Variants in RNGTT observed in about 807,000 individuals in gnomAD.
The protein encoded by RNGTT is mRNA-capping enzyme.
Under a neutral mutation model 79.3 loss-of-function variants are expected in RNGTT, and 33 were observed. The ratio of observed to expected loss-of-function variants is 0.42; its 90% CI spans 0.32 to 0.56. The LOEUF (loss-of-function observed/expected upper bound fraction) is 0.56. Ranked by LOEUF, RNGTT falls within the 20% of genes least tolerant of loss-of-function variation. The probability of loss-of-function intolerance (pLI) is 0.17; values close to 1 mark genes in which losing one functional copy is unlikely to be tolerated. For missense variants in RNGTT, 497 were observed against 739.1 expected, an observed-to-expected ratio of 0.67 and a Z score of 3.80; for synonymous variants, 222 against 235.9, an observed-to-expected ratio of 0.94 and a Z score of 0.54.
intron 11 of RNGTT, among the ~76,000 whole-genome samples, chr6:88,810,648 C>T (rs1434101661): frequency 6.6e-6 from 1 of 152,164 alleles, no homozygotes; most frequent in East Asian, 1.9e-4. Flanking sequence ...TAATTTTAAA[C>T]TCACTTTGAT....
intron 11 of RNGTT, among the ~76,000 whole-genome samples, chr6:88,812,369 C>T (rs1247718446): frequency 1.3e-5 from 2 of 152,146 alleles, no homozygotes; most frequent in Non-Finnish European, 2.9e-5. Flanking sequence ...TTACCAAAAT[C>T]CCTTCATAGA....
intron 12 of RNGTT, among the ~76,000 whole-genome samples, chr6:88,779,570 C>CAATAATTCA (rs1778993889): frequency 6.6e-6 from 1 of 152,064 alleles, no homozygotes; most frequent in Non-Finnish European, 1.5e-5. Flanking sequence ...TTTTACACAG[C>CAATAATTCA]AATAATTCAG....
intron 11 of RNGTT, among the ~76,000 whole-genome samples, chr6:88,812,011 A>G (rs1308535643): frequency 6.6e-6 from 1 of 152,172 alleles, no homozygotes; most frequent in Non-Finnish European, 1.5e-5. Flanking sequence ...GGTTAGGATT[A>G]TTCAATGCTT....
At chr6:88,946,641 T>G (rs1562071880) in intron 1 of RNGTT, among the ~76,000 whole-genome samples, 1 of 151,438 alleles carries the variant, frequency 6.6e-6, no homozygotes. Context: ...CCTCTCCCTC[T>G]CCCTCTCCCT....
chr6:88,861,944 G>C lies in RNGTT; in HGVS notation c.897-8180C>G, dbSNP rs141534693. Among the ~76,000 whole-genome samples, 119 of 152,074 alleles carry C rather than the reference G, an allele frequency of 7.8e-4. 1 individual carries two copies. The highest frequency in any genetic ancestry group is 1.5e-3 in the South Asian group (7 of 4,800). ...ATAATAAGTAATTTAGCTACCTTAG[G>C]AATAAGCTTTAGAGGCTAGTTTAGG... On this transcript the variant is annotated intron_variant, in intron 8 of 15. Coordinates refer to ENST00000369485, the MANE Select transcript of RNGTT (RefSeq NM_003800.5).
chr6:88,840,728 T>C (rs1303636763), intron 11 of RNGTT, among the ~76,000 whole-genome samples: 1 of 152,176 alleles, frequency 6.6e-6, no homozygotes, highest in Non-Finnish European at 1.5e-5. Flanking sequence ...AAATATCCTA[T>C]GATTTTAAGG....
At chr6:88,902,662 C>T (rs534528748) in intron 6 of RNGTT, among the ~76,000 whole-genome samples, 1 of 149,714 alleles carries the variant, frequency 6.7e-6, no homozygotes, top group East Asian at 2.0e-4. Flanking sequence ...TAATATATAC[C>T]AGCCTTTAAA....
chr6:88,809,590 T>C (rs974299404), intron 11 of RNGTT, among the ~76,000 whole-genome samples: 1 of 152,182 alleles, frequency 6.6e-6, no homozygotes, highest in Non-Finnish European at 1.5e-5. Context: ...ATTTGAAAAT[T>C]AAATAACACA....
intron 13 of RNGTT, among the ~76,000 whole-genome samples, chr6:88,678,677 G>A (rs903501555): frequency 2.6e-5 from 4 of 152,070 alleles, no homozygotes; most frequent in East Asian, 3.9e-4. Context: ...CTAGTACCTC[G>A]ACAGACTGAA....
chr6:88,735,178 T>C lies in RNGTT; in HGVS notation c.1439+34596A>G, dbSNP rs58205171. Reference sequence around the variant, plus strand: ...TGCCTAAAAATAGAACATCAAAATATATGAGGCAAAAACTAATGGAATTAA... The same window carrying C: ...TGCCTAAAAATAGAACATCAAAATACATGAGGCAAAAACTAATGGAATTAA... On this transcript the variant is annotated intron_variant, in intron 13 of 15. Transcript: ENST00000369485. 5.0e-3 allele frequency among the ~76,000 whole-genome samples: 765 copies of C among 152,172 alleles called. 7 individuals carry two copies. Among genetic ancestry groups the C allele is most frequent in the African/African-American group, 0.018 (728 of 41,552 alleles).
At chr6:88,673,910 C>T (rs545649680) in intron 14 of RNGTT, among the ~76,000 whole-genome samples, 4 of 152,272 alleles carry the variant, frequency 2.6e-5, no homozygotes, top group South Asian at 2.1e-4. Flanking sequence ...CAGGATTTTC[C>T]AAATCATTGG....
Position 88,676,112 on chromosome 6 carries a change from A to G in RNGTT, c.1506+2241T>C, listed in dbSNP as rs1389076485. ...ACCTAGATTAGCCAAACAACATAGA[A>G]AAAGAACAAAGTTGGAGGATTTATA... On this transcript the variant is annotated intron_variant, in intron 14 of 15. Transcript: ENST00000369485. 4.6e-5 allele frequency among the ~76,000 whole-genome samples: 7 copies of G among 152,324 alleles called. No individual in the cohort carries two copies. The East Asian group carries it at 1.2e-3, about 25-fold the overall frequency.
At chr6:88,836,698 A>C (rs1268832323) in intron 11 of RNGTT, among the ~76,000 whole-genome samples, 1 of 152,100 alleles carries the variant, frequency 6.6e-6, no homozygotes, top group Non-Finnish European at 1.5e-5. Flanking sequence ...GTTGTCATCA[A>C]ACCACTCCAC....
intron 13 of RNGTT, among the ~76,000 whole-genome samples, chr6:88,697,317 C>T (rs919689434): frequency 1.8e-4 from 28 of 151,352 alleles, no homozygotes; most frequent in African/African-American, 5.1e-4. Flanking sequence ...TTTGGGAGGC[C>T]GCGGTGGGTG....
At chr6:88,953,727 C>T (rs572269565) in intron 1 of RNGTT, among the ~76,000 whole-genome samples, 2 of 152,296 alleles carry the variant, frequency 1.3e-5, no homozygotes, top group East Asian at 3.9e-4. Context: ...GACACAATAG[C>T]CTCAGATAAC....
Position 88,832,434 on chromosome 6 carries a change from C to G in RNGTT, c.1269+11923G>C, listed in dbSNP as rs559214422. Among the ~76,000 whole-genome samples the G allele has an allele frequency of 1.1e-4, 17 of 152,216 alleles. 1 individual carries two copies. In the South Asian group the frequency reaches 3.5e-3, roughly 32 times the overall value. ...CCCATTCCTTATACAAAAATTAACT[C>G]AAGATGAATTAAAGACTTAAACATA... On this transcript the variant is annotated intron_variant, in intron 11 of 15. Transcript: ENST00000369485.
At chr6:88,678,507 TATAG>T (rs1319955244) in intron 13 of RNGTT, 88 bp from the exon 14 acceptor site, 8 of 724,558 alleles carry the variant, frequency 1.1e-5, no homozygotes, top group African/African-American at 3.7e-5. Context: ...ATAGATATAA[TATAG>T]ATATACTATA....
intron 7 of RNGTT, 39 bp from the exon 8 acceptor site, chr6:88,890,635 C>T (rs779192470): frequency 2.2e-6 from 3 of 1,394,048 alleles, no homozygotes; most frequent in Non-Finnish European, 3.0e-6. Context: ...TGGCTGGTAT[C>T]CATACAAAGC....
chr6:88,691,298 G>C (rs1400841358), intron 13 of RNGTT, among the ~76,000 whole-genome samples: 1 of 152,134 alleles, frequency 6.6e-6, no homozygotes, highest in South Asian at 2.1e-4. Flanking sequence ...CACCATGATT[G>C]TAAGTTTTCT....
Sources: allele counts gnomAD v4.1 joint callset (sites outside exome capture counted in the v4.1 genomes callset), GRCh38; gene constraint gnomAD v4.1.1; transcripts MANE v1.5; gene names NCBI Gene and HGNC (gene_info 2026-07-23, HGNC 2026-07-21).